NPR3: variants seen among roughly 807,000 people sequenced by gnomAD.
The protein encoded by NPR3 is atrial natriuretic peptide receptor 3.
Under a neutral mutation model 54.5 loss-of-function variants are expected in NPR3, and 34 were observed. That is an observed-to-expected ratio of 0.62 (90% CI 0.47 to 0.83). The LOEUF (loss-of-function observed/expected upper bound fraction) is 0.83. Among genes scored for constraint, NPR3 ranks in the 40% least tolerant of loss-of-function variants. NPR3 has a pLI of 0.00. For synonymous variants in NPR3, 289 were observed against 297.1 expected (o/e 0.97, Z 0.28); for missense variants, 674 against 720.8 (o/e 0.94, Z 0.74).
intron 1 of NPR3, among the ~76,000 whole-genome samples, chr5:32,703,615 C>G (rs1737893082): frequency 6.6e-6 from 1 of 152,138 alleles, no homozygotes; most frequent in South Asian, 2.1e-4. Context: ...GCAGCAGGTT[C>G]CCTCCTTGCC....
At chr5:32,747,082 A>C (rs13358397) in intron 3 of NPR3, among the ~76,000 whole-genome samples, 1 of 152,150 alleles carries the variant, frequency 6.6e-6, no homozygotes, top group Non-Finnish European at 1.5e-5. Context: ...ATAGATAAAC[A>C]TGAATCTTCT....
At chr5:32,777,580 G>A (rs73078120) in intron 4 of NPR3, among the ~76,000 whole-genome samples, 2,051 of 152,224 alleles carry the variant, frequency 0.013, 57 homozygotes, top group African/African-American at 0.047. Context: ...TTTTCAGTTG[G>A]GACTCCTGTC....
At chr5:32,699,891 A>G (rs1371551713) in intron 1 of NPR3, among the ~76,000 whole-genome samples, 4 of 152,176 alleles carry the variant, frequency 2.6e-5, no homozygotes, top group Non-Finnish European at 5.9e-5. Context: ...TCTGGTATTG[A>G]TGAAATCCTT....
At chr5:32,694,975 G>A (rs1482083367) in intron 1 of NPR3, among the ~76,000 whole-genome samples, 1 of 151,974 alleles carries the variant, frequency 6.6e-6, no homozygotes, top group Non-Finnish European at 1.5e-5. Context: ...TTCCGTGCCT[G>A]GCTTAGTTCA....
intron 3 of NPR3, 53 bp from the exon 4 acceptor site, chr5:32,774,655 C>T: frequency 6.9e-7 from 1 of 1,449,880 alleles, no homozygotes; most frequent in Non-Finnish European, 9.7e-7. Flanking sequence ...CATCTTATTC[C>T]TGGCATGAGT....
chr5:32,699,529 T>C (rs1030646069), intron 1 of NPR3, among the ~76,000 whole-genome samples: 1 of 152,192 alleles, frequency 6.6e-6, no homozygotes, highest in Non-Finnish European at 1.5e-5. Context: ...GTTCTTATTG[T>C]TTAACTCCCA....
chr5:32,714,972 G>A (rs908644492), intron 1 of NPR3, among the ~76,000 whole-genome samples: 1 of 152,186 alleles, frequency 6.6e-6, no homozygotes, highest in African/African-American at 2.4e-5. Context: ...AACTGTGAGG[G>A]TTACAGAAGC....
At chr5:32,782,395 C>T (rs1450035563) in intron 5 of NPR3, among the ~76,000 whole-genome samples, 6 of 151,994 alleles carry the variant, frequency 3.9e-5, no homozygotes, top group South Asian at 2.1e-4. Flanking sequence ...AATTGGCTGA[C>T]GGGGTGGGCT....
At chr5:32,691,936 C>T (rs1285395467) in intron 1 of NPR3, among the ~76,000 whole-genome samples, 3 of 152,154 alleles carry the variant, frequency 2.0e-5, no homozygotes, top group African/African-American at 4.8e-5. Context: ...TAAGAAATAG[C>T]ACAATACAAT....
At chr5:32,766,593 A>G (rs983615471) in intron 3 of NPR3, among the ~76,000 whole-genome samples, 10 of 152,176 alleles carry the variant, frequency 6.6e-5, no homozygotes, top group Non-Finnish European at 1.2e-4. Flanking sequence ...CTTTTTCCTA[A>G]TGAGACTGGG....
At chr5:32,705,863 A>T (rs1212869634), upstream of NPR3, among the ~76,000 whole-genome samples, 1 of 152,216 alleles carries the variant, frequency 6.6e-6, no homozygotes, top group African/African-American at 2.4e-5. Context: ...AAAGTTCAGC[A>T]AATATTCCAG....
intron 1 of NPR3, chr5:32,716,975 C>T (rs1738587340): frequency 6.6e-6 from 1 of 152,060 alleles, no homozygotes; most frequent in Non-Finnish European, 1.5e-5. Context: ...GGGTATTTCT[C>T]CTAATGCTAT....
intron 2 of NPR3, among the ~76,000 whole-genome samples, chr5:32,735,062 G>GC (rs1234818727): frequency 4.6e-5 from 7 of 152,120 alleles, no homozygotes. Flanking sequence ...TGGCGAGGCA[G>GC]CCCCTGGTTT....
rs4867473 is a variant in NPR3 at position 32,712,725 on chromosome 5, C to T, written c.769+180C>T. On this transcript the variant is annotated intron_variant, in intron 1 of 7. Transcript: ENST00000265074. ...GACAACCTTTGACGACCGCCCATCGCGGTGTACGTAGAGGGTCCCAGGGAG... is the reference window on the plus strand; with the variant it reads ...GACAACCTTTGACGACCGCCCATCGTGGTGTACGTAGAGGGTCCCAGGGAG... 0.12 allele frequency among the ~76,000 whole-genome samples: 17,525 copies of T among 152,264 alleles called. 1,100 individuals are homozygous for T. Among genetic ancestry groups the T allele is most frequent in the Admixed American group, 0.19 (2,981 of 15,302 alleles).
At chr5:32,759,035 A>C (rs567023202) in intron 3 of NPR3, among the ~76,000 whole-genome samples, 1 of 152,270 alleles carries the variant, frequency 6.6e-6, no homozygotes, top group Non-Finnish European at 1.5e-5. Flanking sequence ...TATGTGGTCA[A>C]TTTTGGAATA....
At chr5:32,774,623 C>A in intron 3 of NPR3, 85 bp from the exon 4 acceptor site, 2 of 1,025,244 alleles carry the variant, frequency 2.0e-6, no homozygotes, top group Non-Finnish European at 1.5e-6. Flanking sequence ...TGAAGTCTAA[C>A]TTGTTAACGC....
At chr5:32,706,382 C>T (rs546293174), upstream of NPR3, among the ~76,000 whole-genome samples, 24 of 152,308 alleles carry the variant, frequency 1.6e-4, no homozygotes, top group East Asian at 5.8e-4. Flanking sequence ...GGATGAAACA[C>T]TGCTTTACCA....
At chr5:32,696,805 G>T (rs982252952) in intron 1 of NPR3, among the ~76,000 whole-genome samples, 3 of 152,064 alleles carry the variant, frequency 2.0e-5, no homozygotes, top group Non-Finnish European at 2.9e-5. Context: ...ATTATTCACT[G>T]TTGGCATATA....
chr5:32,712,063 G>A lies in NPR3; in HGVS notation c.287G>A (p.Gly96Asp), dbSNP rs772129919. Reference sequence around the variant, plus strand: ...ACTGGGAGGCGGCTTCTGCCGCCGGGCACTCGCTTCCAGGTGGCTTACGAG... The same window carrying A: ...ACTGGGAGGCGGCTTCTGCCGCCGGACACTCGCTTCCAGGTGGCTTACGAG... Reference protein sequence around the residue: ...NGTGRRLLPPGTRFQVAYEDS... With the variant: ...NGTGRRLLPPDTRFQVAYEDS... Residue 96 changes from glycine to aspartate, a missense_variant, in exon 1 of 8, where the codon GGC becomes GAC. Physicochemically the swap from Gly to Asp is moderately conservative, Grantham distance 94 (BLOSUM62 -1). Coordinates refer to ENST00000265074, the MANE Select transcript of NPR3 (RefSeq NM_001204375.2). The A allele has an allele frequency of 6.8e-6, 11 of 1,613,756 alleles. No individual in the cohort carries two copies. In the East Asian group the frequency reaches 1.8e-4, roughly 26 times the overall value.
Sources: gnomAD v4.1 joint callset for allele counts (sites outside exome capture counted in the v4.1 genomes callset) on GRCh38, gnomAD v4.1.1 for gene constraint, MANE v1.5 for transcripts, NCBI Gene and HGNC (gene_info 2026-07-23, HGNC 2026-07-21) for gene names.